The following MEIS1 variants were observed in gnomAD, a reference collection of about 807,000 sequenced individuals.
The protein encoded by MEIS1 is Meis homeobox 1.
MEIS1 carries 5 observed loss-of-function variants against 50.8 expected under a neutral mutation model. That is an observed-to-expected ratio of 0.10 (90% CI 0.05 to 0.21). The LOEUF is 0.21. Ranked by LOEUF, MEIS1 falls within the 10% of genes least tolerant of loss-of-function variation. MEIS1 has a pLI of 1.00. For missense variants in MEIS1, 318 were observed against 517.3 expected, an observed-to-expected ratio of 0.61 and a Z score of 3.74; for synonymous variants, 176 against 179.3, an observed-to-expected ratio of 0.98 and a Z score of 0.15.
At position 66,571,640 on chromosome 2, in the gene MEIS1, T is replaced by TATGAAG; in HGVS notation, c.*433_*434insTGAAGA. ...TCTACTCTGGACCAAGGAGCATCCC[T>TATGAAG]AATTCTTCATAGGGACCTTTAAAAA... On this transcript the variant is annotated 3_prime_UTR_variant, in exon 13 of 13. Coordinates refer to ENST00000272369, the MANE Select transcript of MEIS1 (RefSeq NM_002398.3). 1 of 1,276,558 alleles carries TATGAAG rather than the reference T, an allele frequency of 7.8e-7. No homozygotes were observed. Among genetic ancestry groups the TATGAAG allele is most frequent in the Non-Finnish European group, 1.1e-6 (1 of 921,276 alleles). 79.1% of individuals were successfully genotyped at this position (1,276,558 alleles called of 1,614,324 possible). A position where few individuals can be genotyped will look rare whatever the true frequency, so the allele number is the denominator to read the frequency against.
intron 8 of MEIS1, among the ~76,000 whole-genome samples, chr2:66,526,757 C>T (rs1402790651): frequency 6.6e-6 from 1 of 152,152 alleles, no homozygotes. Flanking sequence ...CATTGCTTAA[C>T]CATTGTCAAA....
intron 9 of MEIS1, among the ~76,000 whole-genome samples, chr2:66,563,049 A>G (rs1223719126): frequency 1.3e-5 from 2 of 152,326 alleles, no homozygotes; most frequent in East Asian, 3.9e-4. Context: ...GTAACTATCT[A>G]TTTTAATGAG....
intron 7 of MEIS1, among the ~76,000 whole-genome samples, chr2:66,488,446 A>C (rs2103801036): frequency 6.6e-6 from 1 of 152,312 alleles, no homozygotes; most frequent in Non-Finnish European, 1.5e-5. Context: ...TGGGAGGCTG[A>C]GGCAGGCGGA....
intron 6 of MEIS1, among the ~76,000 whole-genome samples, chr2:66,463,774 C>T (rs1404355003): frequency 6.6e-6 from 1 of 152,144 alleles, no homozygotes; most frequent in Non-Finnish European, 1.5e-5. Flanking sequence ...GACTGTTGTG[C>T]CAGAGGGTTT....
At chr2:66,551,899 C>T (rs1159958732) in intron 9 of MEIS1, among the ~76,000 whole-genome samples, 2 of 151,840 alleles carry the variant, frequency 1.3e-5, no homozygotes, top group Non-Finnish European at 1.5e-5. Flanking sequence ...TTAACAAATA[C>T]TTATGTTATA....
At chr2:66,435,898 A>C (rs1403785801) in intron 1 of MEIS1, 30 bp downstream of exon 1, 3 of 1,547,716 alleles carry the variant, frequency 1.9e-6, no homozygotes, top group Admixed American at 2.3e-5. Context: ...TGTGGAACTC[A>C]AATGTGAGAT....
chr2:66,463,464 C>A (rs945573378), intron 6 of MEIS1, among the ~76,000 whole-genome samples: 1 of 152,080 alleles, frequency 6.6e-6, no homozygotes, highest in Admixed American at 6.6e-5. Context: ...TTCAAATGCA[C>A]CCAGTGATAA....
chr2:66,568,903 C>A (rs1054096859), intron 11 of MEIS1, 147 bp downstream of exon 11: 1 of 1,071,292 alleles, frequency 9.3e-7, no homozygotes, highest in Non-Finnish European at 1.5e-6. Context: ...TAAGATATTG[C>A]AGAGGGGAAG....
chr2:66,572,635 A>G lies in MEIS1; in HGVS notation c.*1427A>G, dbSNP rs1454418904. On this transcript the variant is annotated 3_prime_UTR_variant, in exon 13 of 13. Transcript: ENST00000272369. ...GCTAATTATTAATAACAATCATTGC[A>G]CACTGAGTCTTAGCGTTTCTGATGG... The G allele has an allele frequency of 6.6e-6, 1 of 152,216 alleles. No homozygotes were observed. The highest frequency in any genetic ancestry group is 1.5e-5 in the Non-Finnish European group (1 of 68,042). 9.4% of individuals were successfully genotyped at this position (152,216 alleles called of 1,614,324 possible).
chr2:66,445,162 G>A (rs1484999668), intron 6 of MEIS1: 2 of 152,164 alleles, frequency 1.3e-5, no homozygotes, highest in African/African-American at 2.4e-5. Context: ...CTGACTTCTG[G>A]TCCCCGCTGG....
chr2:66,437,610 G>T lies in MEIS1; in HGVS notation c.13-127G>T, dbSNP rs1272352702. 25 of 773,928 alleles carry T rather than the reference G, an allele frequency of 3.2e-5. No individual in the cohort carries two copies. The Admixed American group carries it at 5.1e-4, about 16-fold the overall frequency. The allele number at this position is 773,928 out of a possible 1,614,324, so 47.9% of individuals were successfully genotyped here. The stretch of plus-strand genomic sequence containing the variant: ...ATAAGAAAAACTCAGCTTTATAGAT[G>T]CAAGGCCACCGAATTCCGGGTGGAA... On this transcript the variant is annotated intron_variant, in intron 1 of 12. Coordinates refer to ENST00000272369, the MANE Select transcript of MEIS1 (RefSeq NM_002398.3).
At chr2:66,559,721 AT>A (rs527637581) in intron 9 of MEIS1, among the ~76,000 whole-genome samples, 10 of 151,736 alleles carry the variant, frequency 6.6e-5, no homozygotes, top group Non-Finnish European at 1.2e-4. Flanking sequence ...CTAAACCACT[AT>A]TTTTTTTAGC....
At chr2:66,441,612 G>A (rs1043452456) in intron 5 of MEIS1, 148 bp downstream of exon 5, 14 of 641,956 alleles carry the variant, frequency 2.2e-5, no homozygotes, top group African/African-American at 1.4e-4. Flanking sequence ...CAATCTTAGC[G>A]TCCATTTCTC....
intron 7 of MEIS1, among the ~76,000 whole-genome samples, chr2:66,490,852 T>G (rs941024283): frequency 6.6e-6 from 1 of 152,176 alleles, no homozygotes; most frequent in Non-Finnish European, 1.5e-5. Flanking sequence ...GCACTGTTAG[T>G]CCATATCGGG....
chr2:66,449,593 C>T (rs1672233380), intron 6 of MEIS1, among the ~76,000 whole-genome samples: 1 of 152,060 alleles, frequency 6.6e-6, no homozygotes, highest in Non-Finnish European at 1.5e-5. Flanking sequence ...GCTGGAATCC[C>T]TACACTTGTA....
At chr2:66,509,874 G>A (rs1459417310) in intron 7 of MEIS1, among the ~76,000 whole-genome samples, 1 of 152,194 alleles carries the variant, frequency 6.6e-6, no homozygotes, top group Non-Finnish European at 1.5e-5. Context: ...CTGGATTATA[G>A]TAGATATTTC....
At chr2:66,437,664 C>T in intron 1 of MEIS1, 73 bp from the exon 2 acceptor site, 1 of 1,377,768 alleles carries the variant, frequency 7.3e-7, no homozygotes, top group East Asian at 2.4e-5. Flanking sequence ...CTTATATAAG[C>T]TCGGTGCCTT....
intron 9 of MEIS1, among the ~76,000 whole-genome samples, chr2:66,564,861 A>G (rs189649039): frequency 2.0e-5 from 3 of 151,312 alleles, no homozygotes; most frequent in East Asian, 2.0e-4. Context: ...TCCTAATGCT[A>G]TCCCTTCCCC....
chr2:66,462,878 A>G (rs552966986), intron 6 of MEIS1, among the ~76,000 whole-genome samples: 2 of 152,292 alleles, frequency 1.3e-5, no homozygotes, highest in South Asian at 4.1e-4. Flanking sequence ...TTCAGGCTGC[A>G]TTAATCTTCT....
Sources: gnomAD v4.1 joint callset for allele counts (sites outside exome capture counted in the v4.1 genomes callset) on GRCh38, gnomAD v4.1.1 for gene constraint, MANE v1.5 for transcripts, NCBI Gene and HGNC (gene_info 2026-07-23, HGNC 2026-07-21) for gene names.